TNR: variants seen among roughly 807,000 people sequenced by gnomAD.
TNR encodes tenascin R.
Under a neutral mutation model 150.4 loss-of-function variants are expected in TNR, and 45 were observed. The observed-to-expected ratio is 0.30, with a 90% CI of 0.24 to 0.38. The LOEUF is 0.38. Among genes scored for constraint, TNR ranks in the 10% least tolerant of loss-of-function variants. The probability of loss-of-function intolerance (pLI) is 1.00; values close to 1 mark genes in which losing one functional copy is unlikely to be tolerated. For missense variants in TNR, 1,544 were observed against 1,759.1 expected (o/e 0.88, Z 2.19); for synonymous variants, 687 against 678.4 (o/e 1.01, Z -0.20).
chr1:175,502,192 T>C (rs1658766509), intron 2 of TNR, among the ~76,000 whole-genome samples: 1 of 152,086 alleles, frequency 6.6e-6, no homozygotes, highest in African/African-American at 2.4e-5. Flanking sequence ...ACTCAAATGG[T>C]ATAGGGTATG....
chr1:175,437,426 G>A (rs903720885), intron 2 of TNR, among the ~76,000 whole-genome samples: 1 of 152,210 alleles, frequency 6.6e-6, no homozygotes, highest in African/African-American at 2.4e-5. Flanking sequence ...GAGAAGGCAG[G>A]AAAGATCTAA....
chr1:175,569,615 C>T (rs1222939958), intron 1 of TNR, among the ~76,000 whole-genome samples: 3 of 152,128 alleles, frequency 2.0e-5, no homozygotes, highest in Non-Finnish European at 2.9e-5. Flanking sequence ...GAACTGTCAG[C>T]GATCGATAAA....
Position 175,358,628 on chromosome 1 carries a change from CA to C in TNR, c.2974+983del, listed in dbSNP as rs535025887. Among the ~76,000 whole-genome samples, 190 of 152,240 alleles carry C rather than the reference CA, an allele frequency of 1.2e-3. 2 individuals are homozygous for C. The highest frequency in any genetic ancestry group is 0.011 in the Admixed American group (164 of 15,286). On this transcript the variant is annotated intron_variant, in intron 15 of 22. Transcript: ENST00000367674. ...GTTCTCTGGATTCCTGAATATAACC[CA>C]AAACAATTCTGTGATCACATGTTTG...
intron 2 of TNR, among the ~76,000 whole-genome samples, chr1:175,438,953 G>A (rs1055169867): frequency 1.3e-5 from 2 of 152,052 alleles, no homozygotes; most frequent in Non-Finnish European, 2.9e-5. Context: ...TACTGCCCAA[G>A]GTAATTTATA....
At chr1:175,709,982 C>A (rs1201308544) in intron 1 of TNR, among the ~76,000 whole-genome samples, 1 of 151,890 alleles carries the variant, frequency 6.6e-6, no homozygotes, top group African/African-American at 2.4e-5. Flanking sequence ...TTCGAAGCCA[C>A]GTTAGGGATT....
intron 1 of TNR, among the ~76,000 whole-genome samples, chr1:175,708,334 A>G (rs1323570418): frequency 6.6e-6 from 1 of 152,116 alleles, no homozygotes; most frequent in Non-Finnish European, 1.5e-5. Flanking sequence ...TTTGGAGAAT[A>G]ATGATCTGAT....
intron 1 of TNR, among the ~76,000 whole-genome samples, chr1:175,537,007 T>G (rs1660317376): frequency 6.6e-6 from 1 of 152,178 alleles, no homozygotes; most frequent in Admixed American, 6.5e-5. Context: ...CCCACTTTTT[T>G]GCCCACAGCC....
At position 175,318,602 on chromosome 1, in the gene TNR, T is replaced by C. The variant is rs1648906756; in HGVS notation, c.*4755A>G. 1 of 152,176 alleles carries C rather than the reference T, an allele frequency of 6.6e-6. No individual in the cohort carries two copies. The highest frequency in any genetic ancestry group is 2.1e-4 in the South Asian group (1 of 4,828). The allele number at this position is 152,176 out of a possible 1,614,324, so 9.4% of individuals were successfully genotyped here. On this transcript the variant is annotated 3_prime_UTR_variant, in exon 23 of 23. Coordinates refer to ENST00000367674, the MANE Select transcript of TNR (RefSeq NM_003285.3). The stretch of plus-strand genomic sequence containing the variant: ...TGAAGAAAGCTTTATCACATATGTG[T>C]AGGATTGGGTTATGGAAGAAGCAAA...
intron 1 of TNR, among the ~76,000 whole-genome samples, chr1:175,734,545 G>C (rs185910957): frequency 6.6e-6 from 1 of 152,218 alleles, no homozygotes. Context: ...TTAGAGGGTG[G>C]AGCTGGTCAG....
chr1:175,331,524 A>G (rs1247079583), intron 20 of TNR, among the ~76,000 whole-genome samples: 1 of 151,978 alleles, frequency 6.6e-6, no homozygotes, highest in East Asian at 1.9e-4. Flanking sequence ...CAGCCTCTCA[A>G]AGTGCTGGGA....
intron 2 of TNR, among the ~76,000 whole-genome samples, chr1:175,508,588 G>C (rs892319756): frequency 6.6e-6 from 1 of 152,224 alleles, no homozygotes; most frequent in Non-Finnish European, 1.5e-5. Flanking sequence ...GCAGTAGCCA[G>C]CTGCCATGTA....
chr1:175,355,750 AC>A, intron 16 of TNR, 117 bp from the exon 17 acceptor site: 5 of 1,417,178 alleles, frequency 3.5e-6, no homozygotes, highest in Non-Finnish European at 4.8e-6. Flanking sequence ...TCACATGCTG[AC>A]CCCTGCTCTG....
intron 4 of TNR, among the ~76,000 whole-genome samples, chr1:175,399,115 T>C (rs1436807071): frequency 6.6e-6 from 1 of 152,228 alleles, no homozygotes; most frequent in Non-Finnish European, 1.5e-5. Flanking sequence ...ATTCAGACGA[T>C]CTTAATAGGT....
At chr1:175,558,182 T>C (rs1661259305) in intron 1 of TNR, among the ~76,000 whole-genome samples, 1 of 135,016 alleles carries the variant, frequency 7.4e-6, no homozygotes, top group Admixed American at 7.5e-5. Flanking sequence ...AGATGACGAG[T>C]TAGTGGGTGC....
Position 175,359,662 on chromosome 1 carries a change from G to A in TNR, c.2924C>T (p.Ala975Val). 6.2e-7 allele frequency: 1 copy of A among 1,613,920 alleles called. No individual in the cohort carries two copies. Among genetic ancestry groups the A allele is most frequent in the Non-Finnish European group, 8.5e-7 (1 of 1,179,904 alleles). The change falls in exon 15 of 23, where the codon GCA becomes GTA. Residue 975 changes from alanine to valine, a missense_variant. Physicochemically the swap from Ala to Val is moderately conservative, Grantham distance 64. Around this residue, in one of 2 missense-constraint regions of TNR, gnomAD observed 1,254 missense variants for 1,329.4 expected, o/e 0.94. Coordinates refer to ENST00000367674, the MANE Select transcript of TNR (RefSeq NM_003285.3). ...TPTEALLQWK[A>V]PVGEVENYVI... is the part of the protein sequence containing the mutation. ...GTAGTTCTCCACCTCACCCACTGGT[G>A]CCTTCCACTGCAGCAGGGCTTCTGT... is the stretch of plus-strand genomic sequence containing the variant.
At chr1:175,474,540 C>A (rs1283929565) in intron 2 of TNR, among the ~76,000 whole-genome samples, 3 of 152,334 alleles carry the variant, frequency 2.0e-5, no homozygotes, top group Non-Finnish European at 2.9e-5. Context: ...GTTATGGCAG[C>A]CTGAGCAAAC....
At chr1:175,348,008 A>T (rs7518442) in intron 18 of TNR, among the ~76,000 whole-genome samples, 114,393 of 151,622 alleles carry the variant, frequency 0.75, 43,342 homozygotes, top group African/African-American at 0.81. Context: ...TACCTAAAAA[A>T]ATTAACGGAA....
At chr1:175,503,778 AC>A (rs1468478568) in intron 2 of TNR, among the ~76,000 whole-genome samples, 1 of 152,238 alleles carries the variant, frequency 6.6e-6, no homozygotes, top group Non-Finnish European at 1.5e-5. Flanking sequence ...AACTCCTGTA[AC>A]AGATCCTGGG....
At chr1:175,328,441 T>C (rs1245774019) in intron 21 of TNR, among the ~76,000 whole-genome samples, 1 of 152,156 alleles carries the variant, frequency 6.6e-6, no homozygotes, top group African/African-American at 2.4e-5. Flanking sequence ...CTACTAAAGA[T>C]AAGGTCCAGG....
Sources: allele counts gnomAD v4.1 joint callset (sites outside exome capture counted in the v4.1 genomes callset), GRCh38; gene constraint gnomAD v4.1.1; regional missense constraint gnomAD v4.1.1; transcripts MANE v1.5; gene names NCBI Gene and HGNC (gene_info 2026-07-23, HGNC 2026-07-21).